Variants in USP34 observed in about 807,000 individuals in gnomAD.
USP34 encodes the protein ubiquitin specific peptidase 34.
In USP34, 70 loss-of-function variants were observed where a neutral mutation model predicts 460.3. The ratio of observed to expected loss-of-function variants is 0.15; its 90% CI spans 0.13 to 0.19. USP34 has a LOEUF of 0.19. USP34 is among the 10% of genes least tolerant of loss of function. USP34 has a pLI of 1.00. For synonymous variants in USP34, 1,647 were observed against 1,405.3 expected (o/e 1.17, Z -3.85); for missense variants, 3,985 against 4,236.2 (o/e 0.94, Z 1.65).
intron 2 of USP34, among the ~76,000 whole-genome samples, chr2:61,418,223 G>T (rs974825250): frequency 6.6e-6 from 1 of 150,752 alleles, no homozygotes; most frequent in Non-Finnish European, 1.5e-5. Flanking sequence ...GGGATTACTG[G>T]TACACACCAC....
chr2:61,236,557 G>A (rs1407590034), intron 53 of USP34, among the ~76,000 whole-genome samples, 168 bp from the exon 54 acceptor site: 2 of 152,114 alleles, frequency 1.3e-5, no homozygotes, highest in African/African-American at 4.8e-5. Context: ...ATAAATGGTT[G>A]CTACTAATAT....
chr2:61,353,226 G>A (rs1203084233), intron 10 of USP34, among the ~76,000 whole-genome samples: 2 of 152,120 alleles, frequency 1.3e-5, no homozygotes, highest in Admixed American at 6.5e-5. Context: ...GACTGGTGAG[G>A]TACAGGCACA....
chr2:61,268,871 A>G (rs1453072064), intron 41 of USP34, among the ~76,000 whole-genome samples: 3 of 152,164 alleles, frequency 2.0e-5, no homozygotes, highest in African/African-American at 4.8e-5. Flanking sequence ...GTAAAATTTC[A>G]TTTTTAAATG....
intron 2 of USP34, among the ~76,000 whole-genome samples, chr2:61,410,746 G>A (rs1355063064): frequency 6.6e-6 from 1 of 152,030 alleles, no homozygotes; most frequent in African/African-American, 2.4e-5. Flanking sequence ...AACAGAAGAT[G>A]ACAGCTATCA....
At chr2:61,454,007 A>G (rs1353797604) in intron 1 of USP34, among the ~76,000 whole-genome samples, 1 of 152,102 alleles carries the variant, frequency 6.6e-6, no homozygotes, top group Non-Finnish European at 1.5e-5. Context: ...GTAAGTATAA[A>G]CTCAGTTTAT....
chr2:61,271,733 T>C (rs984397814), intron 41 of USP34, among the ~76,000 whole-genome samples: 1 of 152,110 alleles, frequency 6.6e-6, no homozygotes, highest in African/African-American at 2.4e-5. Context: ...GTAGTAGTGA[T>C]AGTGGTAGTG....
chr2:61,442,406 C>CAAA lies in USP34; in HGVS notation c.44-21576_44-21574dup, dbSNP rs70963430. On this transcript the variant is annotated intron_variant, in intron 1 of 79. Transcript: ENST00000398571. The stretch of plus-strand genomic sequence containing the variant: ...ACAAGGAACTCAAACATCTTAACAG[C>CAAA]AAAAAAAAAAAAAAAGAAAAAATCC... Among the ~76,000 whole-genome samples, 455 of 121,398 alleles carry CAAA rather than the reference C, an allele frequency of 3.7e-3. 1 individual carries two copies. Among genetic ancestry groups the CAAA allele is most frequent in the African/African-American group, 9.4e-3 (304 of 32,396 alleles). The allele number at this position is 121,398 out of a possible 152,430, so 79.6% of individuals were successfully genotyped here.
chr2:61,312,697 T>A (rs904252667), intron 25 of USP34, among the ~76,000 whole-genome samples: 1 of 152,160 alleles, frequency 6.6e-6, no homozygotes, highest in Admixed American at 6.6e-5. Context: ...ACTGACATTT[T>A]AAGCCCAATT....
At chr2:61,318,979 T>C (rs983117567) in intron 22 of USP34, among the ~76,000 whole-genome samples, 194 bp downstream of exon 22, 4 of 152,124 alleles carry the variant, frequency 2.6e-5, no homozygotes, top group African/African-American at 4.8e-5. Context: ...AAACTATTAA[T>C]TTAGAGGTAA....
intron 6 of USP34, among the ~76,000 whole-genome samples, chr2:61,381,262 TAA>T (rs147270949): frequency 0.37 from 54,078 of 147,480 alleles, 9,666 homozygotes; most frequent in Non-Finnish European, 0.38. Flanking sequence ...TAAAAAAAAA[TAA>T]AACACACACA....
chr2:61,389,181 G>T (rs1461344115), intron 5 of USP34, among the ~76,000 whole-genome samples: 1 of 152,164 alleles, frequency 6.6e-6, no homozygotes, highest in Non-Finnish European at 1.5e-5. Context: ...ATTTTTAAAG[G>T]AGAAGAGATG....
chr2:61,389,021 A>G (rs1693259636), intron 5 of USP34, among the ~76,000 whole-genome samples: 1 of 152,194 alleles, frequency 6.6e-6, no homozygotes, highest in Admixed American at 6.5e-5. Flanking sequence ...AAAAACAACC[A>G]GGCATGAAAG....
chr2:61,341,211 A>C (rs1052467383), intron 16 of USP34, among the ~76,000 whole-genome samples: 3 of 152,190 alleles, frequency 2.0e-5, no homozygotes, highest in Non-Finnish European at 2.9e-5. Flanking sequence ...CCACTATGTG[A>C]ATTTATCAGT....
intron 1 of USP34, among the ~76,000 whole-genome samples, chr2:61,464,246 G>A (rs995042003): frequency 1.3e-5 from 2 of 152,158 alleles, no homozygotes; most frequent in Non-Finnish European, 2.9e-5. Context: ...TTGAAGCAAG[G>A]AGGTGGAAGT....
chr2:61,327,265 G>A (rs1572938153), intron 20 of USP34, among the ~76,000 whole-genome samples: 1 of 152,056 alleles, frequency 6.6e-6, no homozygotes, highest in African/African-American at 2.4e-5. Flanking sequence ...TATTAATGCT[G>A]GCAAAGAAAA....
At chr2:61,397,666 C>T (rs1287505920) in intron 3 of USP34, among the ~76,000 whole-genome samples, 2 of 150,872 alleles carry the variant, frequency 1.3e-5, no homozygotes, top group Non-Finnish European at 1.5e-5. Context: ...TTTCAGAGGC[C>T]GAGGTGGGCG....
intron 27 of USP34, among the ~76,000 whole-genome samples, chr2:61,302,752 G>A (rs952678166): frequency 3.3e-5 from 5 of 152,024 alleles, no homozygotes; most frequent in Non-Finnish European, 7.4e-5. Flanking sequence ...CAGCTAGTAC[G>A]GAAGTTCAAC....
chr2:61,220,510 C>A (rs1162221420), intron 66 of USP34, 53 bp from the exon 67 acceptor site: 1 of 1,485,840 alleles, frequency 6.7e-7, no homozygotes, highest in East Asian at 2.4e-5. Context: ...TGAGCAATTA[C>A]TTTTACTTAC....
At chr2:61,340,466 G>T (rs978467930) in intron 16 of USP34, among the ~76,000 whole-genome samples, 4 of 152,148 alleles carry the variant, frequency 2.6e-5, no homozygotes, top group African/African-American at 9.7e-5. Context: ...ATGTTTAAAA[G>T]AAAACTGCTG....
Sources: gnomAD v4.1 joint callset for allele counts (sites outside exome capture counted in the v4.1 genomes callset) on GRCh38, gnomAD v4.1.1 for gene constraint, MANE v1.5 for transcripts, NCBI Gene and HGNC (gene_info 2026-07-23, HGNC 2026-07-21) for gene names.